CNTN6: variants seen among roughly 807,000 people sequenced by gnomAD.
The protein encoded by CNTN6 is contactin-6.
A neutral mutation model predicts 122.8 loss-of-function variants in CNTN6; 137 were observed. The ratio of observed to expected loss-of-function variants is 1.12; its 90% CI spans 0.97 to 1.29. The LOEUF is 1.29. CNTN6 is among the 50% of genes most tolerant of loss of function. The probability of loss-of-function intolerance (pLI) is 0.00; values close to 1 mark genes in which losing one functional copy is unlikely to be tolerated. For missense variants in CNTN6, 1,634 were observed against 1,223.4 expected (o/e 1.34, Z -5.01); for synonymous variants, 570 against 426.0 (o/e 1.34, Z -4.16).
intron 2 of CNTN6, among the ~76,000 whole-genome samples, chr3:1,211,551 G>A (rs1011217551): frequency 1.3e-5 from 2 of 152,182 alleles, no homozygotes; most frequent in East Asian, 1.9e-4. Context: ...CCTAGAGGCA[G>A]ATCTCACTAG....
At chr3:1,268,075 C>T (rs770927733) in intron 4 of CNTN6, among the ~76,000 whole-genome samples, 7 of 152,186 alleles carry the variant, frequency 4.6e-5, no homozygotes, top group African/African-American at 1.7e-4. Flanking sequence ...AGATTATTGA[C>T]TACAAAGGTT....
chr3:1,354,497 T>C (rs2126082935), intron 12 of CNTN6, among the ~76,000 whole-genome samples: 1 of 151,694 alleles, frequency 6.6e-6, no homozygotes, highest in African/African-American at 2.4e-5. Flanking sequence ...CTCTTTCTTC[T>C]TCTGTACCAC....
intron 12 of CNTN6, among the ~76,000 whole-genome samples, chr3:1,368,718 T>C (rs1455096949): frequency 6.6e-6 from 1 of 152,212 alleles, no homozygotes; most frequent in East Asian, 1.9e-4. Context: ...TATTATTTAT[T>C]ATATCGTATA....
At chr3:1,385,834 T>G (rs1466829584) in intron 20 of CNTN6, 37 bp downstream of exon 20, 6 of 1,532,198 alleles carry the variant, frequency 3.9e-6, no homozygotes, top group East Asian at 2.3e-5. Flanking sequence ...AAGATTCATC[T>G]GTGAAGAGCA....
chr3:1,387,833 C>T (rs914810829), intron 20 of CNTN6, among the ~76,000 whole-genome samples: 105 of 151,928 alleles, frequency 6.9e-4, no homozygotes, highest in African/African-American at 2.3e-3. Context: ...CACTCCCACC[C>T]GAATATTGCG....
intron 7 of CNTN6, among the ~76,000 whole-genome samples, chr3:1,308,776 C>G (rs556942430): frequency 1.1e-4 from 16 of 152,074 alleles, no homozygotes; most frequent in South Asian, 2.1e-4. Flanking sequence ...TTAATCTACA[C>G]CAGCATTTGA....
chr3:1,243,682 C>G (rs922808721), intron 4 of CNTN6, among the ~76,000 whole-genome samples: 1 of 152,164 alleles, frequency 6.6e-6, no homozygotes, highest in Non-Finnish European at 1.5e-5. Flanking sequence ...TTAACCTTGA[C>G]TATGCCTTTG....
At chr3:1,182,075 A>G (rs368932699) in intron 2 of CNTN6, among the ~76,000 whole-genome samples, 10 of 152,080 alleles carry the variant, frequency 6.6e-5, no homozygotes, top group African/African-American at 2.4e-4. Context: ...GGCATTCAAT[A>G]TATATTGAAT....
intron 1 of CNTN6, among the ~76,000 whole-genome samples, chr3:1,094,239 G>A (rs1321498563): frequency 1.3e-5 from 2 of 152,006 alleles, no homozygotes; most frequent in Non-Finnish European, 2.9e-5. Context: ...TATTTTATAA[G>A]GAAAGAAATG....
intron 2 of CNTN6, among the ~76,000 whole-genome samples, chr3:1,195,448 G>T (rs998386407): frequency 6.6e-6 from 1 of 152,138 alleles, no homozygotes; most frequent in Non-Finnish European, 1.5e-5. Flanking sequence ...TATGGAATAT[G>T]AATAATCTTG....
intron 2 of CNTN6, among the ~76,000 whole-genome samples, chr3:1,173,655 A>G (rs2093399402): frequency 6.6e-6 from 1 of 152,038 alleles, no homozygotes; most frequent in Non-Finnish European, 1.5e-5. Context: ...TATTATTGTC[A>G]TCTTTATTTG....
At chr3:1,346,653 G>A (rs1315404580) in intron 11 of CNTN6, among the ~76,000 whole-genome samples, 2 of 152,116 alleles carry the variant, frequency 1.3e-5, no homozygotes, top group Non-Finnish European at 2.9e-5. Context: ...CCAGAATCAT[G>A]AGCCAAATAA....
chr3:1,375,631 T>C (rs1223365247), intron 16 of CNTN6, among the ~76,000 whole-genome samples: 3 of 152,134 alleles, frequency 2.0e-5, no homozygotes, highest in African/African-American at 7.2e-5. Context: ...CACTCTAAGC[T>C]GTCAAGCACT....
In CNTN6 at chr3:1,327,545, AAT is replaced by A; in HGVS notation, c.1175_1176del (p.Tyr392SerfsTer8). On this transcript the variant is annotated frameshift_variant, in exon 10 of 23. Coordinates refer to ENST00000446702, the MANE Select transcript of CNTN6 (RefSeq NM_001289080.2). LOFTEE classifies it high-confidence loss of function. ...GTGTACCAATGTGCTGCAGAAAACA[AAT>A]ATCAGATAATTTATGCAAATGCTGA... The A allele has an allele frequency of 6.2e-7, 1 of 1,610,820 alleles. No individual in the cohort carries two copies. The highest frequency in any genetic ancestry group is 8.5e-7 in the Non-Finnish European group (1 of 1,178,068).
At chr3:1,357,044 C>T (rs1247499609) in intron 12 of CNTN6, among the ~76,000 whole-genome samples, 3 of 151,816 alleles carry the variant, frequency 2.0e-5, no homozygotes, top group African/African-American at 7.3e-5. Context: ...GCATATGTCA[C>T]TCAGATTAAA....
chr3:1,259,430 TG>T (rs2125700737), intron 4 of CNTN6, among the ~76,000 whole-genome samples: 1 of 152,254 alleles, frequency 6.6e-6, no homozygotes, highest in East Asian at 1.9e-4. Context: ...AAGTTTTTTT[TG>T]TTTTTAATTA....
At chr3:1,096,041 A>C (rs978372715) in intron 1 of CNTN6, among the ~76,000 whole-genome samples, 5 of 152,226 alleles carry the variant, frequency 3.3e-5, no homozygotes, top group Admixed American at 3.3e-4. Context: ...TGCATCTTGA[A>C]CATGTATTTC....
intron 12 of CNTN6, among the ~76,000 whole-genome samples, chr3:1,368,800 CTAATT>C (rs973227339): frequency 2.0e-5 from 3 of 151,938 alleles, no homozygotes; most frequent in African/African-American, 4.8e-5. Context: ...GAATCATACC[CTAATT>C]TTATTTTATA....
intron 7 of CNTN6, among the ~76,000 whole-genome samples, chr3:1,305,032 A>C (rs1198962276): frequency 6.6e-6 from 1 of 151,970 alleles, no homozygotes; most frequent in Non-Finnish European, 1.5e-5. Context: ...ACTTGTAAAA[A>C]TTCAAGCTGT....
Sources: gnomAD v4.1 joint callset for allele counts (sites outside exome capture counted in the v4.1 genomes callset) on GRCh38, gnomAD v4.1.1 for gene constraint, MANE v1.5 for transcripts, NCBI Gene and HGNC (gene_info 2026-07-23, HGNC 2026-07-21) for gene names.